The following LPP variants were observed in gnomAD, a reference collection of about 807,000 sequenced individuals.
LPP encodes LIM domain containing preferred translocation partner in lipoma.
In LPP, 38 loss-of-function variants were observed where a neutral mutation model predicts 60.4. That is an observed-to-expected ratio of 0.63 (90% CI 0.49 to 0.83). LPP has a LOEUF of 0.83. LPP is among the 40% of genes least tolerant of loss of function. LPP has a pLI of 0.00. For synonymous variants in LPP, 328 were observed against 290.8 expected (o/e 1.13, Z -1.30); for missense variants, 902 against 783.6 (o/e 1.15, Z -1.80).
chr3:188,613,927 A>C (rs907552093), intron 7 of LPP, among the ~76,000 whole-genome samples: 2 of 148,708 alleles, frequency 1.3e-5, no homozygotes, highest in African/African-American at 5.1e-5. Context: ...TTATTTATTT[A>C]TTTATTTATT....
chr3:188,205,633 C>T (rs527804366), intron 1 of LPP, among the ~76,000 whole-genome samples: 2 of 152,298 alleles, frequency 1.3e-5, no homozygotes, highest in African/African-American at 4.8e-5. Context: ...TTCTTCCTTG[C>T]TGCACCCCAT....
At chr3:188,707,666 A>G (rs529659246) in intron 7 of LPP, among the ~76,000 whole-genome samples, 4 of 152,172 alleles carry the variant, frequency 2.6e-5, no homozygotes, top group Admixed American at 6.5e-5. Flanking sequence ...CTCATTTCCT[A>G]TCTCAAAGTT....
At chr3:188,742,311 A>G (rs572331891) in intron 8 of LPP, among the ~76,000 whole-genome samples, 1 of 152,132 alleles carries the variant, frequency 6.6e-6, no homozygotes, top group South Asian at 2.1e-4. Context: ...AGTGAAATGA[A>G]ACCTTTTTTT....
intron 6 of LPP, among the ~76,000 whole-genome samples, chr3:188,558,124 T>G (rs1829909435): frequency 6.7e-6 from 1 of 148,956 alleles, no homozygotes; most frequent in Non-Finnish European, 1.5e-5. Context: ...CTTTTGTCCT[T>G]CTACAGAAAC....
chr3:188,667,051 C>G (rs1189474137), intron 7 of LPP, among the ~76,000 whole-genome samples: 1 of 152,134 alleles, frequency 6.6e-6, no homozygotes, highest in Non-Finnish European at 1.5e-5. Context: ...CATTTGTGAA[C>G]AAAAACTTTG....
chr3:188,208,492 G>A (rs867857911), intron 1 of LPP, among the ~76,000 whole-genome samples: 4 of 152,192 alleles, frequency 2.6e-5, no homozygotes, highest in Admixed American at 6.5e-5. Flanking sequence ...TCATGCTTGG[G>A]AGCATCCTCA....
chr3:188,661,393 T>A (rs909383797), intron 7 of LPP, among the ~76,000 whole-genome samples: 2 of 152,126 alleles, frequency 1.3e-5, no homozygotes, highest in Non-Finnish European at 2.9e-5. Flanking sequence ...AAGAGTATGT[T>A]TAGTTTTGTA....
intron 6 of LPP, among the ~76,000 whole-genome samples, chr3:188,555,702 G>A (rs1260324493): frequency 6.6e-6 from 1 of 152,102 alleles, no homozygotes; most frequent in East Asian, 1.9e-4. Flanking sequence ...TTGTTTAGAA[G>A]AGAAAGGAGA....
intron 7 of LPP, among the ~76,000 whole-genome samples, chr3:188,634,192 C>G (rs1848317222): frequency 6.6e-6 from 1 of 152,200 alleles, no homozygotes; most frequent in South Asian, 2.1e-4. Context: ...AATGACCACT[C>G]TGATATTTTC....
chr3:188,549,286 A>G (rs1827445195), intron 6 of LPP, among the ~76,000 whole-genome samples: 1 of 152,020 alleles, frequency 6.6e-6, no homozygotes, highest in African/African-American at 2.4e-5. Flanking sequence ...GCTGTGCTGG[A>G]ATACATCATC....
At chr3:188,542,493 T>G (rs146386125) in intron 6 of LPP, among the ~76,000 whole-genome samples, 1 of 152,294 alleles carries the variant, frequency 6.6e-6, no homozygotes, top group East Asian at 1.9e-4. Context: ...TTCCCTCCTG[T>G]GATTATTTTT....
In LPP at chr3:188,742,994, G is replaced by A. The variant is rs2378443; in HGVS notation, c.1241-17119G>A. Among the ~76,000 whole-genome samples, 510 of 152,192 alleles carry A rather than the reference G, an allele frequency of 3.4e-3. 13 individuals carry two copies. The highest frequency in any genetic ancestry group is 0.025 in the Admixed American group (377 of 15,286). On this transcript the variant is annotated intron_variant, in intron 8 of 11. Coordinates refer to ENST00000617246, the MANE Select transcript of LPP (RefSeq NM_001375462.1). The stretch of plus-strand genomic sequence containing the variant: ...AAGGTCCAGGTTAGGTTTCTTTAAA[G>A]GATGGCAAGAACCTGAAACAGTGTG...
chr3:188,407,016 G>C (rs1012899689), intron 4 of LPP, among the ~76,000 whole-genome samples: 2 of 151,700 alleles, frequency 1.3e-5, no homozygotes, highest in African/African-American at 4.8e-5. Context: ...GGTTGAAAAG[G>C]TTCCATATTT....
chr3:188,509,466 A>T (rs1814553160), intron 5 of LPP, among the ~76,000 whole-genome samples: 1 of 152,172 alleles, frequency 6.6e-6, no homozygotes, highest in Non-Finnish European at 1.5e-5. Context: ...AACAGGTGGG[A>T]TTCTTTTTGG....
Position 188,201,089 on chromosome 3 carries a change from A to G in LPP, c.-189-24316A>G, listed in dbSNP as rs544272938. ...AATCTCCTCCTGGGAGTCATACCCT[A>G]GGACAGTTGTCTTGTTTACAAAATT... On this transcript the variant is annotated intron_variant, in intron 1 of 11. Coordinates refer to ENST00000617246, the MANE Select transcript of LPP (RefSeq NM_001375462.1). 8.7e-4 allele frequency among the ~76,000 whole-genome samples: 132 copies of G among 152,316 alleles called. 1 individual carries two copies. In the South Asian group the frequency reaches 0.027, roughly 31 times the overall value.
At chr3:188,270,985 C>T (rs1457433753) in intron 2 of LPP, among the ~76,000 whole-genome samples, 5 of 152,162 alleles carry the variant, frequency 3.3e-5, no homozygotes, top group African/African-American at 4.8e-5. Flanking sequence ...TGATGATCTT[C>T]GAGATTTCTA....
chr3:188,637,277 G>A (rs955796803), intron 7 of LPP, among the ~76,000 whole-genome samples: 5 of 152,072 alleles, frequency 3.3e-5, no homozygotes, highest in African/African-American at 9.7e-5. Flanking sequence ...GGTATATAAC[G>A]AAATGAAGGC....
At chr3:188,213,281 G>A (rs1007664226) in intron 1 of LPP, among the ~76,000 whole-genome samples, 2 of 152,230 alleles carry the variant, frequency 1.3e-5, no homozygotes, top group Non-Finnish European at 2.9e-5. Flanking sequence ...TACCTTGTGT[G>A]CAGGTCACTG....
intron 3 of LPP, among the ~76,000 whole-genome samples, chr3:188,343,464 A>G (rs1053944530): frequency 6.6e-6 from 1 of 152,208 alleles, no homozygotes; most frequent in Non-Finnish European, 1.5e-5. Flanking sequence ...GTAGATACCT[A>G]CTATCATAGT....
Sources: allele counts gnomAD v4.1 joint callset (sites outside exome capture counted in the v4.1 genomes callset), GRCh38; gene constraint gnomAD v4.1.1; transcripts MANE v1.5; gene names NCBI Gene and HGNC (gene_info 2026-07-23, HGNC 2026-07-21).